Variants in OLFM3 observed in about 807,000 individuals in gnomAD.
OLFM3 encodes olfactomedin 3, also known as noelin-3.
A neutral mutation model predicts 48.6 loss-of-function variants in OLFM3; 20 were observed. That is an observed-to-expected ratio of 0.41 (90% CI 0.29 to 0.60). The LOEUF (loss-of-function observed/expected upper bound fraction) is 0.60. Among genes scored for constraint, OLFM3 ranks in the 20% least tolerant of loss-of-function variants. The pLI is 0.28. For synonymous variants in OLFM3, 222 were observed against 198.1 expected (o/e 1.12, Z -1.01); for missense variants, 437 against 544.3 (o/e 0.80, Z 1.96).
At chr1:101,824,682 C>A (rs200228194) in intron 4 of OLFM3, among the ~76,000 whole-genome samples, 16 of 135,960 alleles carry the variant, frequency 1.2e-4, no homozygotes, top group Non-Finnish European at 2.4e-4. Flanking sequence ...ACAACAACAA[C>A]AAAAAACAGT....
chr1:101,937,649 A>T (rs1659665019), intron 1 of OLFM3, among the ~76,000 whole-genome samples: 1 of 152,178 alleles, frequency 6.6e-6, no homozygotes, highest in Non-Finnish European at 1.5e-5. Context: ...CACCCCAGCC[A>T]CATGAAACTG....
At chr1:101,863,675 A>G (rs1437163337) in intron 1 of OLFM3, among the ~76,000 whole-genome samples, 1 of 152,224 alleles carries the variant, frequency 6.6e-6, no homozygotes, top group Admixed American at 6.5e-5. Flanking sequence ...TAGGAAAATT[A>G]TCACAATTTA....
At position 101,901,991 on chromosome 1, in the gene OLFM3, C is replaced by A. The variant is rs143911084; in HGVS notation, c.70-64966G>T. On this transcript the variant is annotated intron_variant, in intron 1 of 5. Coordinates refer to ENST00000370103, the MANE Select transcript of OLFM3 (RefSeq NM_058170.4). ...GCGTGGAGATGAGATAAAAAAACTT[C>A]AGAATGAATGAAATTATTAGAGAGC... 6.3e-4 allele frequency among the ~76,000 whole-genome samples: 95 copies of A among 151,762 alleles called. 2 individuals are homozygous for A. The South Asian group carries it at 0.014, about 23-fold the overall frequency.
At chr1:101,854,599 G>A (rs1360359598) in intron 1 of OLFM3, among the ~76,000 whole-genome samples, 5 of 152,006 alleles carry the variant, frequency 3.3e-5, no homozygotes, top group South Asian at 2.1e-4. Context: ...AAATAAAAAC[G>A]AAGAATGCAG....
chr1:101,866,135 G>A (rs17471633), intron 1 of OLFM3, among the ~76,000 whole-genome samples: 5,562 of 152,162 alleles, frequency 0.037, 154 homozygotes, highest in Middle Eastern at 0.082. Context: ...CGAATTTCCA[G>A]AAAGTTGTTT....
rs755204249 is a variant in OLFM3 at position 101,804,591 on chromosome 1, T to C, written c.1024A>G (p.Thr342Ala). Residue 342 changes from threonine (T) to alanine (A), a missense_variant, in exon 6 of 6, where the codon ACT (threonine) becomes GCT (alanine). Transcript: ENST00000370103. This position sits in a 1 kb window ranked among gnomAD's most constrained non-coding sequence, Gnocchi z 4.5. Reference sequence around the variant, plus strand: ...ACAATATTGCCTGCATTCTGGTTAGTTGCATACACAGCCCACAGCCCGATT... The same window carrying C: ...ACAATATTGCCTGCATTCTGGTTAGCTGCATACACAGCCCACAGCCCGATT... ...DEIGLWAVYA[T>A]NQNAGNIVIS... is the part of the protein sequence containing the mutation. The C allele has an allele frequency of 6.2e-7, 1 of 1,612,492 alleles. No individual in the cohort carries two copies.
At chr1:101,862,023 A>G (rs1231800342) in intron 1 of OLFM3, among the ~76,000 whole-genome samples, 1 of 152,232 alleles carries the variant, frequency 6.6e-6, no homozygotes, top group African/African-American at 2.4e-5. Context: ...AATAAAGAAG[A>G]ATCGTGATAG....
chr1:101,925,665 C>T (rs528507539), intron 1 of OLFM3, among the ~76,000 whole-genome samples: 41 of 151,508 alleles, frequency 2.7e-4, no homozygotes, highest in African/African-American at 9.0e-4. Context: ...ACTACAGGAA[C>T]GTGTTACCAC....
chr1:101,811,340 G>C (rs1043674653), intron 4 of OLFM3, among the ~76,000 whole-genome samples: 2 of 151,976 alleles, frequency 1.3e-5, no homozygotes, highest in African/African-American at 4.8e-5. Context: ...ATGACAAATG[G>C]GATCTAATTA....
chr1:101,814,281 T>A (rs1222125690), intron 4 of OLFM3, among the ~76,000 whole-genome samples: 1 of 151,828 alleles, frequency 6.6e-6, no homozygotes, highest in Non-Finnish European at 1.5e-5. Flanking sequence ...TTTTTTTTTT[T>A]AGCAGAAAGC....
intron 2 of OLFM3, 91 bp from the exon 3 acceptor site, chr1:101,830,918 A>C (rs1473412232): frequency 8.7e-7 from 1 of 1,144,742 alleles, no homozygotes. Flanking sequence ...TAACATAAAA[A>C]CTAGAAGTGC....
chr1:101,944,206 A>G (rs1659885201), intron 1 of OLFM3, among the ~76,000 whole-genome samples: 1 of 152,090 alleles, frequency 6.6e-6, no homozygotes, highest in Non-Finnish European at 1.5e-5. Context: ...AATTATTGCC[A>G]ATGCCTAGGA....
chr1:101,944,047 T>A (rs555558565), intron 1 of OLFM3, among the ~76,000 whole-genome samples: 13 of 149,400 alleles, frequency 8.7e-5, no homozygotes, highest in East Asian at 3.9e-4. Flanking sequence ...GTATATATTT[T>A]TATATATATA....
intron 4 of OLFM3, among the ~76,000 whole-genome samples, chr1:101,820,814 G>C (rs546646852): frequency 6.6e-6 from 1 of 152,210 alleles, no homozygotes; most frequent in South Asian, 2.1e-4. Context: ...CACTGAAAAA[G>C]TGAGGGAAAA....
intron 1 of OLFM3, among the ~76,000 whole-genome samples, chr1:101,924,661 C>T (rs188037546): frequency 1.1e-3 from 162 of 152,268 alleles, no homozygotes; most frequent in African/African-American, 3.8e-3. Context: ...TTGCATCCTC[C>T]AAGTCACACC....
chr1:101,977,085 T>C (rs1212269536), intron 1 of OLFM3, among the ~76,000 whole-genome samples: 1 of 152,176 alleles, frequency 6.6e-6, no homozygotes, highest in Admixed American at 6.5e-5. Context: ...ATCTCAGTAG[T>C]AGTTATACAA....
intron 4 of OLFM3, among the ~76,000 whole-genome samples, chr1:101,822,077 G>C (rs113428954): frequency 6.6e-6 from 1 of 152,052 alleles, no homozygotes; most frequent in East Asian, 1.9e-4. Context: ...GGATGAATGC[G>C]TGCCTACTTA....
chr1:101,880,680 A>G (rs1657489469), intron 1 of OLFM3, among the ~76,000 whole-genome samples: 2 of 151,800 alleles, frequency 1.3e-5, no homozygotes, highest in South Asian at 4.1e-4. Flanking sequence ...AGGTCTTGCC[A>G]AGCTTCTGAT....
chr1:101,940,963 G>A (rs964237649), intron 1 of OLFM3, among the ~76,000 whole-genome samples: 32 of 152,072 alleles, frequency 2.1e-4, no homozygotes, highest in African/African-American at 7.0e-4. Flanking sequence ...TGTACTGGTG[G>A]ATACATTTGT....
Sources: allele counts gnomAD v4.1 joint callset (sites outside exome capture counted in the v4.1 genomes callset), GRCh38; gene constraint gnomAD v4.1.1; non-coding constraint Gnocchi (gnomAD v3.1); transcripts MANE v1.5; gene names NCBI Gene and HGNC (gene_info 2026-07-23, HGNC 2026-07-21).